Variants in THAP9 observed in about 807,000 individuals in gnomAD.
The protein encoded by THAP9 is DNA transposase THAP9.
A neutral mutation model predicts 35.7 loss-of-function variants in THAP9; 20 were observed. That is an observed-to-expected ratio of 0.56 (90% CI 0.39 to 0.81). The LOEUF is 0.81. Ranked by LOEUF, THAP9 falls within the 40% of genes least tolerant of loss-of-function variation. THAP9 has a pLI of 0.00. For missense variants in THAP9, 870 were observed against 1,047.4 expected, an observed-to-expected ratio of 0.83 and a Z score of 2.34; for synonymous variants, 335 against 373.7, an observed-to-expected ratio of 0.90 and a Z score of 1.19.
At position 82,916,940 on chromosome 4, in the gene THAP9, C is replaced by G. The variant is rs746491309; in HGVS notation, c.732-4C>G. 4.2e-5 allele frequency: 64 copies of G among 1,515,410 alleles called. No individual in the cohort carries two copies. The highest frequency in any genetic ancestry group is 1.8e-4 in the Middle Eastern group (1 of 5,650). 93.9% of individuals were successfully genotyped at this position (1,515,410 alleles called of 1,614,324 possible). On this transcript the variant is annotated splice_region_variant and splice_polypyrimidine_tract_variant and intron_variant, in intron 4 of 4. Coordinates refer to ENST00000302236, the MANE Select transcript of THAP9 (RefSeq NM_024672.6). Reference sequence around the variant, plus strand: ...AGTGTTCTTTCACTTTTTATGTATTCTAGGTGGTTATCCAAATGCCAACCC... The same window carrying G: ...AGTGTTCTTTCACTTTTTATGTATTGTAGGTGGTTATCCAAATGCCAACCC...
At position 82,904,759 on chromosome 4, in the gene THAP9, G is replaced by A. The variant is rs757130519; in HGVS notation, c.104G>A (p.Arg35His). The A allele has an allele frequency of 8.7e-6, 14 of 1,613,904 alleles. No individual in the cohort carries two copies. The highest frequency in any genetic ancestry group is 3.3e-5 in the Admixed American group (2 of 59,998). The change falls in exon 2 of 5, where the codon CGC (arginine) becomes CAC (histidine). Residue 35 changes from arginine to histidine, a missense_variant. By Grantham distance (29) the Arg-to-His change is conservative (BLOSUM62 0). This residue lies in a region of THAP9 where 440 missense variants were observed against 501.2 expected (regional missense o/e 0.88). Transcript: ENST00000302236. ...FHQFPTDTIQ[R>H]SKWIRAVNRV... is the part of the protein sequence containing the mutation. ...AGATTTCCAACTGATACCATACAGCGCTCAAAATGGATCAGGGCTGTTAAT... is the reference window on the plus strand; with the variant it reads ...AGATTTCCAACTGATACCATACAGCACTCAAAATGGATCAGGGCTGTTAAT...
At chr4:82,907,478 A>G (rs1166911409) in intron 3 of THAP9, among the ~76,000 whole-genome samples, 3 of 152,134 alleles carry the variant, frequency 2.0e-5, no homozygotes, top group Non-Finnish European at 4.4e-5. Flanking sequence ...ACAAAATAAA[A>G]TAAATGTCCT....
intron 2 of THAP9, among the ~76,000 whole-genome samples, chr4:82,905,199 A>C: frequency 6.6e-6 from 1 of 152,324 alleles, no homozygotes; most frequent in Non-Finnish European, 1.5e-5. Context: ...TGGTAGATAT[A>C]AATAGCCTTA....
At chr4:82,901,437 C>T (rs1720365192) in intron 1 of THAP9, among the ~76,000 whole-genome samples, 1 of 152,044 alleles carries the variant, frequency 6.6e-6, no homozygotes. Flanking sequence ...TGGTATAGGT[C>T]ATTCAGTATT....
chr4:82,905,065 T>A (rs932571522), intron 2 of THAP9, 134 bp downstream of exon 2: 64 of 711,514 alleles, frequency 9.0e-5, no homozygotes, highest in Non-Finnish European at 1.3e-4. Context: ...TTTTAAATGC[T>A]TTGAAAATTT....
Position 82,916,881 on chromosome 4 carries a change from G to T in THAP9, c.732-63G>T, listed in dbSNP as rs373501397. 1.3e-4 allele frequency: 190 copies of T among 1,420,896 alleles called. 1 individual carries two copies. In the African/African-American group the frequency reaches 1.4e-3, roughly 10 times the overall value. The allele number at this position is 1,420,896 out of a possible 1,614,324, so 88.0% of individuals were successfully genotyped here. ...GGGAGACTACTTTAATAGTGCTTAA[G>T]GCATTTTCCCATTTGTCTTTTTATT... On this transcript the variant is annotated intron_variant, in intron 4 of 4. Transcript: ENST00000302236.
chr4:82,907,917 A>T lies in THAP9; in HGVS notation c.713A>T (p.His238Leu). 6.2e-7 allele frequency: 1 copy of T among 1,609,298 alleles called. No individual in the cohort carries two copies. Among genetic ancestry groups the T allele is most frequent in the South Asian group, 1.1e-5 (1 of 89,130 alleles). Residue 238 changes from histidine to leucine, a missense_variant, in exon 4 of 5, where the codon CAT becomes CTT. His to Leu is a moderately conservative substitution (Grantham distance 99). Coordinates refer to ENST00000302236, the MANE Select transcript of THAP9 (RefSeq NM_024672.6). ...GTAAGAAAGATTCTTAAGCTGCCTCATTCTTCCATCCTCAGAACGTAAGTG... is the reference window on the plus strand; with the variant it reads ...GTAAGAAAGATTCTTAAGCTGCCTCTTTCTTCCATCCTCAGAACGTAAGTG... ...DYVRKILKLPHSSILRTWLSK... is the reference protein window; with the variant it reads ...DYVRKILKLPLSSILRTWLSK...
intron 4 of THAP9, among the ~76,000 whole-genome samples, chr4:82,915,813 A>G (rs1721016620): frequency 6.6e-6 from 1 of 152,072 alleles, no homozygotes; most frequent in South Asian, 2.1e-4. Context: ...TTTGCATCCT[A>G]TAAATACTGT....
chr4:82,900,887 G>T lies in THAP9; in HGVS notation c.80+5G>T. On this transcript the variant is annotated splice_donor_5th_base_variant and intron_variant, in intron 1 of 4. Coordinates refer to ENST00000302236, the MANE Select transcript of THAP9 (RefSeq NM_024672.6). ...GCGCGGCCTCTCCTTCCACCAGTGC[G>T]TATGGGAGCAGCCTCGAAGCCTTCG... The T allele has an allele frequency of 6.2e-7, 1 of 1,613,172 alleles. No homozygotes were observed. Among genetic ancestry groups the T allele is most frequent in the Non-Finnish European group, 8.5e-7 (1 of 1,179,920 alleles).
At chr4:82,906,861 A>G (rs992936789) in intron 3 of THAP9, among the ~76,000 whole-genome samples, 1 of 152,174 alleles carries the variant, frequency 6.6e-6, no homozygotes. Context: ...AAGTAATTAA[A>G]ATAATGTTAA....
chr4:82,902,094 A>C (rs945287504), intron 1 of THAP9, among the ~76,000 whole-genome samples: 3 of 143,552 alleles, frequency 2.1e-5, no homozygotes, highest in Non-Finnish European at 3.0e-5. Context: ...ATATTTCCCA[A>C]CATTTTCCTT....
intron 3 of THAP9, among the ~76,000 whole-genome samples, chr4:82,907,041 G>A (rs7698055): frequency 0.54 from 82,420 of 151,954 alleles, 24,198 homozygotes; most frequent in East Asian, 0.78. Flanking sequence ...CTAGTTTGCA[G>A]AATTTCTTTG....
chr4:82,901,977 A>G (rs1720419173), intron 1 of THAP9, among the ~76,000 whole-genome samples: 1 of 152,198 alleles, frequency 6.6e-6, no homozygotes, highest in Admixed American at 6.5e-5. Flanking sequence ...ACTAAAACGT[A>G]AGACTTTATA....
chr4:82,918,097 C>A lies in THAP9; in HGVS notation c.1885C>A (p.Pro629Thr). ...LRQVLVTSSS[P>T]TCMAFQKAYY... ...GCAGGTATTAGTAACAAGTTCTAGC[C>A]CTACCTGCATGGCATTCCAGAAAGC... Residue 629 changes from proline to threonine, a missense_variant, in exon 5 of 5, where the codon CCT (proline) becomes ACT (threonine). This residue lies in a region of THAP9 where 414 missense variants were observed against 500.8 expected (regional missense o/e 0.83). Coordinates refer to ENST00000302236, the MANE Select transcript of THAP9 (RefSeq NM_024672.6). The A allele has an allele frequency of 6.2e-7, 1 of 1,613,950 alleles. No homozygotes were observed. The highest frequency in any genetic ancestry group is 8.5e-7 in the Non-Finnish European group (1 of 1,179,982).
intron 2 of THAP9, chr4:82,906,074 A>C: frequency 2.4e-6 from 1 of 423,488 alleles, no homozygotes; most frequent in Non-Finnish European, 4.4e-6. Context: ...GTTTACTACC[A>C]CCTTTCTCTA....
At chr4:82,908,516 G>C (rs1231826027) in intron 4 of THAP9, among the ~76,000 whole-genome samples, 1 of 152,200 alleles carries the variant, frequency 6.6e-6, no homozygotes, top group South Asian at 2.1e-4. Context: ...AAATAACAAT[G>C]ATTTTCTAGT....
rs1029355017 is a variant in THAP9, at chr4:82,907,938, A to C, written c.731+3A>C. 6.2e-7 allele frequency: 1 copy of C among 1,604,930 alleles called. No individual in the cohort carries two copies. Among genetic ancestry groups the C allele is most frequent in the African/African-American group, 1.3e-5 (1 of 74,462 alleles). On this transcript the variant is annotated splice_donor_region_variant and intron_variant, in intron 4 of 4. Transcript: ENST00000302236. The stretch of plus-strand genomic sequence containing the variant: ...CCTCATTCTTCCATCCTCAGAACGT[A>C]AGTGAATTATTTTTTTATTTTTTAA...
intron 4 of THAP9, chr4:82,910,372 C>T (rs1324777145): frequency 6.5e-6 from 1 of 153,334 alleles, no homozygotes; most frequent in African/African-American, 2.4e-5. Context: ...AAACATAGTA[C>T]TTCGCTTCCC....
intron 4 of THAP9, 124 bp downstream of exon 4, chr4:82,908,059 G>A: frequency 9.6e-7 from 1 of 1,045,490 alleles, no homozygotes; most frequent in East Asian, 2.7e-5. Flanking sequence ...TACTTATTAA[G>A]GCTATTAGTA....
Sources: gnomAD v4.1 joint callset for allele counts (sites outside exome capture counted in the v4.1 genomes callset) on GRCh38, gnomAD v4.1.1 for gene constraint, gnomAD v4.1.1 regional missense constraint, MANE v1.5 for transcripts, NCBI Gene and HGNC (gene_info 2026-07-23, HGNC 2026-07-21) for gene names.